The following DNAJC10 variants were observed in gnomAD, a reference collection of about 807,000 sequenced individuals.
The protein encoded by DNAJC10 is DnaJ heat shock protein family (Hsp40) member C10, also known as endoplasmic reticulum disulfide reductase DNAJC10.
Under a neutral mutation model 115.0 loss-of-function variants are expected in DNAJC10, and 101 were observed. That is an observed-to-expected ratio of 0.88 (90% CI 0.75 to 1.04). DNAJC10 has a LOEUF of 1.04. Among genes scored for constraint, DNAJC10 ranks in the 50% least tolerant of loss-of-function variants. DNAJC10 has a pLI of 0.00. For missense variants in DNAJC10, 981 were observed against 928.8 expected (o/e 1.06, Z -0.73); for synonymous variants, 307 against 301.5 (o/e 1.02, Z -0.19).
chr2:182,766,213 T>C (rs1694407911), intron 22 of DNAJC10, among the ~76,000 whole-genome samples: 1 of 152,092 alleles, frequency 6.6e-6, no homozygotes, highest in African/African-American at 2.4e-5. Context: ...ATGAAAAAAA[T>C]CATGATCAGC....
rs1225198156 is a variant in DNAJC10, at chr2:182,718,139, TTC to T, written c.57_58del (p.Cys20PhefsTer29). ...TATATCAGAGACTTGAAAAGGATCATTCTCTGTTTTCTGATAGTGTATATGGC... is the reference window on the plus strand; with the variant it reads ...TATATCAGAGACTTGAAAAGGATCATTCTGTTTTCTGATAGTGTATATGGC... On this transcript the variant is annotated frameshift_variant, in exon 3 of 24. Transcript: ENST00000264065. LOFTEE classifies it high-confidence loss of function. The T allele has an allele frequency of 3.1e-6, 5 of 1,613,164 alleles. No homozygotes were observed. Among genetic ancestry groups the T allele is most frequent in the Admixed American group, 1.7e-5 (1 of 59,980 alleles).
intron 11 of DNAJC10, among the ~76,000 whole-genome samples, chr2:182,736,703 C>T (rs924450649): frequency 1.2e-4 from 18 of 152,176 alleles, no homozygotes; most frequent in Non-Finnish European, 2.1e-4. Context: ...CTGGGTTATA[C>T]GAAAGAGCAT....
intron 4 of DNAJC10, 41 bp downstream of exon 4, chr2:182,720,210 G>A: frequency 6.6e-7 from 1 of 1,514,640 alleles, no homozygotes; most frequent in Non-Finnish European, 9.0e-7. Context: ...TGTTTTATCT[G>A]AGTAAAAGAA....
chr2:182,735,177 T>C (rs1693553507), intron 10 of DNAJC10, among the ~76,000 whole-genome samples: 1 of 151,858 alleles, frequency 6.6e-6, no homozygotes, highest in Non-Finnish European at 1.5e-5. Flanking sequence ...ACTAGCTCTT[T>C]GGTTACCTGT....
rs1308979201 is a variant in DNAJC10 at position 182,779,126 on chromosome 2, G to A, written c.*1994G>A. On this transcript the variant is annotated 3_prime_UTR_variant, in exon 24 of 24. Coordinates refer to ENST00000264065, the MANE Select transcript of DNAJC10 (RefSeq NM_018981.4). ...TGTGTCCTATAATTTGACCTAAGCT[G>A]TGTGCCTTTGGAATCAGCTCTAAGC... The A allele has an allele frequency of 6.6e-6, 1 of 152,180 alleles. No homozygotes were observed. Among genetic ancestry groups the A allele is most frequent in the Non-Finnish European group, 1.5e-5 (1 of 68,034 alleles). 9.4% of individuals were successfully genotyped at this position (152,180 alleles called of 1,614,324 possible).
chr2:182,736,164 G>T, intron 10 of DNAJC10, 85 bp from the exon 11 acceptor site: 1 of 1,336,268 alleles, frequency 7.5e-7, no homozygotes. Flanking sequence ...TAGAAAAATT[G>T]TGTTTTTAGC....
intron 10 of DNAJC10, among the ~76,000 whole-genome samples, chr2:182,734,572 T>C (rs1693538621): frequency 6.6e-6 from 1 of 151,808 alleles, no homozygotes; most frequent in Non-Finnish European, 1.5e-5. Flanking sequence ...ATAAAATCAG[T>C]TGGGTCCAAT....
chr2:182,753,574 GT>G (rs1169940615), intron 16 of DNAJC10, among the ~76,000 whole-genome samples: 1 of 110,706 alleles, frequency 9.0e-6, no homozygotes, highest in Non-Finnish European at 1.9e-5. Flanking sequence ...AATTTCTTTA[GT>G]TTAGTTTTTT....
rs1694680453 is a variant in DNAJC10 at position 182,775,404 on chromosome 2, A to G, written c.2354A>G (p.Gln785Arg). The G allele has an allele frequency of 6.2e-7, 1 of 1,611,882 alleles. No individual in the cohort carries two copies. The highest frequency in any genetic ancestry group is 1.1e-5 in the South Asian group (1 of 90,942). Residue 785 changes from glutamine (Q) to arginine (R), a missense_variant, in exon 23 of 24, where the codon CAA becomes CGA. Transcript: ENST00000264065. Reference sequence around the variant, plus strand: ...GAAAAATTGGAAACTCTCCGAAATCAAGGCAAGAGGAATAAGGTATGGACT... The same window carrying G: ...GAAAAATTGGAAACTCTCCGAAATCGAGGCAAGAGGAATAAGGTATGGACT... ...ISEKLETLRN[Q>R]GKRNKDEL
chr2:182,762,795 A>G lies in DNAJC10; in HGVS notation c.2259A>G (p.Arg753=). 6.2e-7 allele frequency: 1 copy of G among 1,611,780 alleles called. No individual in the cohort carries two copies. Among genetic ancestry groups the G allele is most frequent in the Non-Finnish European group, 8.5e-7 (1 of 1,178,372 alleles). The stretch of plus-strand genomic sequence containing the variant: ...CTGTTAAATTTTATTTCTACGAAAG[A>G]GCAAAGGTATGTCCAGACTTTCCTC... The part of the protein sequence containing the change: ...YPTVKFYFYE[R]AKRNFQEEQI... The change falls in exon 22 of 24, where the codon AGA becomes AGG. Residue 753 remains arginine (R), a synonymous_variant. Transcript: ENST00000264065.
chr2:182,754,996 C>A lies in DNAJC10; in HGVS notation c.1552-7C>A, dbSNP rs748528572. The A allele has an allele frequency of 5.8e-6, 9 of 1,544,974 alleles. No individual in the cohort carries two copies. Among genetic ancestry groups the A allele is most frequent in the Non-Finnish European group, 8.0e-6 (9 of 1,118,958 alleles). The stretch of plus-strand genomic sequence containing the variant: ...AAATCTTTAATTCATATTCTCCTTC[C>A]TATCAGTATAACATTCAGGCTTATC... On this transcript the variant is annotated splice_region_variant and splice_polypyrimidine_tract_variant and intron_variant, in intron 16 of 23. Transcript: ENST00000264065.
In DNAJC10 at chr2:182,777,567, A is replaced by G. The variant is rs1034913801; in HGVS notation, c.*435A>G. ...AACATGAGTCTGCTGTGCTATCTAC[A>G]TAAATGTCTAAGTTGTATAAAGTCC... On this transcript the variant is annotated 3_prime_UTR_variant, in exon 24 of 24. Transcript: ENST00000264065. 5.2e-5 allele frequency: 8 copies of G among 152,742 alleles called. No homozygotes were observed. The highest frequency in any genetic ancestry group is 1.9e-4 in the African/African-American group (8 of 41,482). 9.5% of individuals were successfully genotyped at this position (152,742 alleles called of 1,614,324 possible).
At chr2:182,767,161 A>G (rs1277597421) in intron 22 of DNAJC10, among the ~76,000 whole-genome samples, 3 of 152,132 alleles carry the variant, frequency 2.0e-5, no homozygotes, top group African/African-American at 2.4e-5. Context: ...GGTGGAGATA[A>G]TGGGCGATCT....
chr2:182,767,087 C>T lies in DNAJC10; in HGVS notation c.2265+4286C>T, dbSNP rs568633156. 3.3e-5 allele frequency among the ~76,000 whole-genome samples: 5 copies of T among 152,206 alleles called. No homozygotes were observed. The East Asian group carries it at 7.7e-4, about 24-fold the overall frequency. On this transcript the variant is annotated intron_variant, in intron 22 of 23. Transcript: ENST00000264065. ...CACTAGAAAAAATCTCTTCCTTATT[C>T]CCCATAGAAGGGAATGAAGCGTAGA...
chr2:182,755,239 A>C lies in DNAJC10; in HGVS notation c.1653+135A>C, dbSNP rs1694127575. 3 of 635,588 alleles carry C rather than the reference A, an allele frequency of 4.7e-6. No individual in the cohort carries two copies. The South Asian group carries it at 6.1e-5, about 13-fold the overall frequency. 39.4% of individuals were successfully genotyped at this position (635,588 alleles called of 1,614,324 possible). On this transcript the variant is annotated intron_variant, in intron 17 of 23. Transcript: ENST00000264065. ...TTTTCTTACAAAATGATTTTTAAAG[A>C]ATTTTTCTAATGTTTTACTCTTCTT... is the stretch of plus-strand genomic sequence containing the variant.
chr2:182,774,827 A>G (rs538357160), intron 22 of DNAJC10, among the ~76,000 whole-genome samples: 2 of 151,318 alleles, frequency 1.3e-5, no homozygotes, highest in African/African-American at 2.4e-5. Context: ...ACCCCCCCCA[A>G]TCCCCGCCCT....
rs774986892 is a variant in DNAJC10, at chr2:182,758,788, T to C, written c.1944-49T>C. ...ACAATAAGATTGTTTTCTGAATACA[T>C]CCAATAATAGAGAATCCTATTTACA... On this transcript the variant is annotated intron_variant, in intron 19 of 23. Transcript: ENST00000264065. 10 of 1,274,236 alleles carry C rather than the reference T, an allele frequency of 7.8e-6. No homozygotes were observed. In the African/African-American group the frequency reaches 1.2e-4, roughly 15 times the overall value. The allele number at this position is 1,274,236 out of a possible 1,614,324, so 78.9% of individuals were successfully genotyped here.
At chr2:182,718,697 ATGTTTTAACTTTGAC>A (rs1693063415) in intron 3 of DNAJC10, among the ~76,000 whole-genome samples, 1 of 152,348 alleles carries the variant, frequency 6.6e-6, no homozygotes, top group Non-Finnish European at 1.5e-5. Context: ...TAATAATAGC[ATGTTTTAACTTTGAC>A]TGTTTTCTTC....
intron 22 of DNAJC10, among the ~76,000 whole-genome samples, chr2:182,773,150 A>T (rs1327001795): frequency 6.6e-6 from 1 of 152,130 alleles, no homozygotes; most frequent in Admixed American, 6.5e-5. Flanking sequence ...AAGAATGTTG[A>T]ATATTGGCCC....
Sources: gnomAD v4.1 joint callset for allele counts (sites outside exome capture counted in the v4.1 genomes callset) on GRCh38, gnomAD v4.1.1 for gene constraint, MANE v1.5 for transcripts, NCBI Gene and HGNC (gene_info 2026-07-23, HGNC 2026-07-21) for gene names.